SORD: variants seen among roughly 807,000 people sequenced by gnomAD.
SORD encodes the protein sorbitol dehydrogenase.
A neutral mutation model predicts 35.6 loss-of-function variants in SORD; 18 were observed. The observed-to-expected ratio is 0.51, with a 90% CI of 0.35 to 0.75. SORD has a LOEUF of 0.75. Among genes scored for constraint, SORD ranks in the 30% least tolerant of loss-of-function variants. The pLI is 0.01. For synonymous variants in SORD, 106 were observed against 152.9 expected, an observed-to-expected ratio of 0.69 and a Z score of 2.26; for missense variants, 250 against 390.2, an observed-to-expected ratio of 0.64 and a Z score of 3.03.
chr15:45,031,490 G>C (rs979152383), intron 1 of SORD, among the ~76,000 whole-genome samples: 1 of 152,384 alleles, frequency 6.6e-6, no homozygotes, highest in Non-Finnish European at 1.5e-5. Flanking sequence ...TCGTGAGGAG[G>C]CCTCAGAGTT....
At position 45,025,313 on chromosome 15, in the gene SORD, G is replaced by A. The variant is rs140865848; in HGVS notation, c.66+1964G>A. Among the ~76,000 whole-genome samples, 439 of 152,278 alleles carry A rather than the reference G, an allele frequency of 2.9e-3. 9 individuals carry two copies. The highest frequency in any genetic ancestry group is 0.01 in the African/African-American group (424 of 41,540). Reference sequence around the variant, plus strand: ...TTTACTAGTCAGAGTAGATTAAAATGATGAGATCAGGTTTGAAAAGTTGAG... The same window carrying A: ...TTTACTAGTCAGAGTAGATTAAAATAATGAGATCAGGTTTGAAAAGTTGAG... On this transcript the variant is annotated intron_variant, in intron 1 of 8. Coordinates refer to ENST00000267814, the MANE Select transcript of SORD (RefSeq NM_003104.6).
intron 7 of SORD, 142 bp downstream of exon 7, chr15:45,069,194 CTTTTTTTTT>C (rs752540495): frequency 4.3e-5 from 5 of 116,968 alleles, no homozygotes; most frequent in Non-Finnish European, 5.5e-5. Flanking sequence ...TTTTCTTTTT[CTTTTTTTTT>C]TTTTTTTTTT....
At chr15:45,061,703 TAA>T (rs1893312054) in intron 4 of SORD, among the ~76,000 whole-genome samples, 1 of 151,658 alleles carries the variant, frequency 6.6e-6, no homozygotes, top group African/African-American at 2.4e-5. Flanking sequence ...CCATCTCTAC[TAA>T]AAAAATACAA....
intron 1 of SORD, among the ~76,000 whole-genome samples, chr15:45,032,226 T>C (rs1689225733): frequency 6.6e-6 from 1 of 150,474 alleles, no homozygotes; most frequent in African/African-American, 2.5e-5. Context: ...AGAGATCTGT[T>C]GTATAACAAT....
At chr15:45,029,113 AAG>A (rs1892727130) in intron 1 of SORD, among the ~76,000 whole-genome samples, 1 of 152,260 alleles carries the variant, frequency 6.6e-6, no homozygotes, top group Admixed American at 6.5e-5. Context: ...CCTCCAGAAA[AAG>A]AGAAATTGGG....
chr15:45,063,003 G>T (rs958621131), intron 4 of SORD, among the ~76,000 whole-genome samples: 1 of 148,426 alleles, frequency 6.7e-6, no homozygotes, highest in Non-Finnish European at 1.5e-5. Context: ...AGTGGTCTGG[G>T]CATGGAGGTG....
chr15:45,071,102 C>T (rs867725289), intron 7 of SORD, among the ~76,000 whole-genome samples: 1 of 152,212 alleles, frequency 6.6e-6, no homozygotes, highest in Admixed American at 6.5e-5. Flanking sequence ...TGTGATGAGA[C>T]GTGGCAGATG....
In SORD at chr15:45,061,233, G is replaced by A. The variant is rs1422830154; in HGVS notation, c.425+7G>A. 6.2e-7 allele frequency: 1 copy of A among 1,613,906 alleles called. No homozygotes were observed. Among genetic ancestry groups the A allele is most frequent in the African/African-American group, 1.3e-5 (1 of 74,936 alleles). On this transcript the variant is annotated splice_region_variant and intron_variant, in intron 4 of 8. Coordinates refer to ENST00000267814, the MANE Select transcript of SORD (RefSeq NM_003104.6). ...ATGCAGCCTTTTGTTACAAGTTAGTGTCCACAGTCCCACTGGGTCACCTGG... is the reference window on the plus strand; with the variant it reads ...ATGCAGCCTTTTGTTACAAGTTAGTATCCACAGTCCCACTGGGTCACCTGG...
chr15:45,065,724 A>G (rs1351058722), intron 5 of SORD, among the ~76,000 whole-genome samples: 2 of 152,222 alleles, frequency 1.3e-5, no homozygotes, highest in Non-Finnish European at 2.9e-5. Flanking sequence ...GCTTGAGACC[A>G]GTCTGGGCAA....
intron 3 of SORD, among the ~76,000 whole-genome samples, chr15:45,052,351 G>A (rs1423849618): frequency 1.3e-5 from 2 of 152,186 alleles, no homozygotes; most frequent in Non-Finnish European, 2.9e-5. Flanking sequence ...TGTCTCTCAA[G>A]GGTGGCTTCC....
Position 45,023,267 on chromosome 15 carries a change from A to G in SORD, c.-17A>G. ...TCCCGCGCCTTCCAGGCCGCACTCCAGAGCCAAAAGAGCTCCATGGCGGCG... is the reference window on the plus strand; with the variant it reads ...TCCCGCGCCTTCCAGGCCGCACTCCGGAGCCAAAAGAGCTCCATGGCGGCG... On this transcript the variant is annotated 5_prime_UTR_variant, in exon 1 of 9. Coordinates refer to ENST00000267814, the MANE Select transcript of SORD (RefSeq NM_003104.6). The G allele has an allele frequency of 1.3e-6, 2 of 1,565,942 alleles. No homozygotes were observed. The highest frequency in any genetic ancestry group is 2.7e-5 in the African/African-American group (2 of 73,334).
In SORD at chr15:45,065,310, C is replaced by T. The variant is rs2959895; in HGVS notation, c.465C>T (p.Ile155=). 330 of 1,613,762 alleles carry T rather than the reference C, an allele frequency of 2.0e-4. 1 individual carries two copies. The African/African-American group carries it at 3.3e-3, about 16-fold the overall frequency. ...TCACCTTTGAGGAAGGCGCCCTGAT[C>T]GAGCCACTTTCTGTGGGGATCCATG... ...DNVTFEEGAL[I]EPLSVGIHAC... Residue 155 remains isoleucine (I), a synonymous_variant, in exon 5 of 9, where the codon ATC becomes ATT. Coordinates refer to ENST00000267814, the MANE Select transcript of SORD (RefSeq NM_003104.6).
chr15:45,026,848 C>A (rs1156360069), intron 1 of SORD, among the ~76,000 whole-genome samples: 1 of 151,260 alleles, frequency 6.6e-6, no homozygotes, highest in Non-Finnish European at 1.5e-5. Flanking sequence ...GCGTCTGGGG[C>A]AGTGGTTCTG....
intron 4 of SORD, among the ~76,000 whole-genome samples, chr15:45,063,075 CTGGCAG>C (rs974567101): frequency 2.1e-5 from 3 of 145,306 alleles, no homozygotes; most frequent in Admixed American, 6.8e-5. Context: ...GGGGCTCTGG[CTGGCAG>C]TGGCAGTGGC....
intron 3 of SORD, chr15:45,050,640 A>G (rs1893110876): frequency 6.6e-6 from 1 of 152,326 alleles, no homozygotes; most frequent in East Asian, 1.9e-4. Context: ...AAGCCTTGGT[A>G]AAACAACTAG....
At chr15:45,048,619 G>A (rs1189829820) in intron 3 of SORD, among the ~76,000 whole-genome samples, 1 of 152,138 alleles carries the variant, frequency 6.6e-6, no homozygotes, top group African/African-American at 2.4e-5. Flanking sequence ...TAGTCCCAGC[G>A]ACTTGTAAAG....
intron 3 of SORD, among the ~76,000 whole-genome samples, chr15:45,055,684 C>T (rs1488525202): frequency 6.6e-6 from 1 of 152,086 alleles, no homozygotes; most frequent in Non-Finnish European, 1.5e-5. Context: ...AGAGACACAA[C>T]CAAAAAGGAG....
intron 1 of SORD, among the ~76,000 whole-genome samples, chr15:45,023,835 A>T (rs1428527224): frequency 6.6e-6 from 1 of 152,188 alleles, no homozygotes; most frequent in Non-Finnish European, 1.5e-5. Context: ...TGATCACAAG[A>T]GTACTCAGCA....
chr15:45,061,583 C>T (rs1893308174), intron 4 of SORD, among the ~76,000 whole-genome samples: 2 of 151,936 alleles, frequency 1.3e-5, no homozygotes, highest in Admixed American at 1.3e-4. Flanking sequence ...CAACAATGAC[C>T]TCGGCCAGGT....
Sources: allele counts gnomAD v4.1 joint callset (sites outside exome capture counted in the v4.1 genomes callset), GRCh38; gene constraint gnomAD v4.1.1; transcripts MANE v1.5; gene names NCBI Gene and HGNC (gene_info 2026-07-23, HGNC 2026-07-21).